Variants in CPNE4 observed in about 807,000 individuals in gnomAD.
CPNE4 encodes the protein copine 4.
A neutral mutation model predicts 67.9 loss-of-function variants in CPNE4; 25 were observed. The ratio of observed to expected loss-of-function variants is 0.37; its 90% CI spans 0.27 to 0.51. The LOEUF is 0.51. CPNE4 is among the 20% of genes least tolerant of loss of function. The pLI, the probability that CPNE4 is intolerant of heterozygous loss-of-function variation, is 0.93. For missense variants in CPNE4, 464 were observed against 690.8 expected (o/e 0.67, Z 3.68); for synonymous variants, 242 against 244.9 (o/e 0.99, Z 0.11).
chr3:131,807,695 T>C (rs1177626371), intron 2 of CPNE4, among the ~76,000 whole-genome samples: 1 of 152,174 alleles, frequency 6.6e-6, no homozygotes, highest in African/African-American at 2.4e-5. Context: ...GCCATTAATA[T>C]CTTAATCTGA....
Position 131,712,008 on chromosome 3 carries a change from A to G in CPNE4, c.360+11438T>C, listed in dbSNP as rs2081570274. 2.0e-5 allele frequency among the ~76,000 whole-genome samples: 3 copies of G among 152,204 alleles called. No individual in the cohort carries two copies. In the South Asian group the frequency reaches 6.2e-4, roughly 31 times the overall value. On this transcript the variant is annotated intron_variant, in intron 3 of 15. Transcript: ENST00000429747. ...CTAACATCTGCAAATTGATCTTTCA[A>G]AAACCTCACAGAAAGCACAGCTTCA... is the stretch of plus-strand genomic sequence containing the variant.
At chr3:131,846,600 G>A (rs750984778) in intron 2 of CPNE4, among the ~76,000 whole-genome samples, 17 of 152,150 alleles carry the variant, frequency 1.1e-4, no homozygotes, top group African/African-American at 2.9e-4. Context: ...GTGGATAAAG[G>A]TAATGAATCA....
intron 1 of CPNE4, among the ~76,000 whole-genome samples, chr3:132,029,414 C>T (rs2074190194): frequency 6.6e-6 from 1 of 152,144 alleles, no homozygotes; most frequent in African/African-American, 2.4e-5. Flanking sequence ...AACTCCATTC[C>T]TTATCCTAGA....
intron 1 of CPNE4, among the ~76,000 whole-genome samples, chr3:131,956,164 G>A (rs2071964187): frequency 6.6e-6 from 1 of 152,098 alleles, no homozygotes; most frequent in African/African-American, 2.4e-5. Flanking sequence ...AATAAGATCA[G>A]TCATTAGAAT....
At chr3:131,753,581 A>G (rs1392839371) in intron 2 of CPNE4, among the ~76,000 whole-genome samples, 1 of 152,204 alleles carries the variant, frequency 6.6e-6, no homozygotes, top group Non-Finnish European at 1.5e-5. Flanking sequence ...AATTGTTAAG[A>G]GAAAGATGAA....
chr3:131,978,607 A>T lies in CPNE4; in HGVS notation c.-2+55960T>A, dbSNP rs550882344. 3.5e-3 allele frequency among the ~76,000 whole-genome samples: 445 copies of T among 127,432 alleles called. 8 individuals carry two copies. The highest frequency in any genetic ancestry group is 0.013 in the African/African-American group (421 of 33,624). The allele number at this position is 127,432 out of a possible 152,430, so 83.6% of individuals were successfully genotyped here. A position where few individuals can be genotyped will look rare whatever the true frequency, so the allele number is the denominator to read the frequency against. Reference sequence around the variant, plus strand: ...TCCTCTTTTCTTGGTTAATCTTGCCAATGGTCTATCAATTTTATATCTCTT... The same window carrying T: ...TCCTCTTTTCTTGGTTAATCTTGCCTATGGTCTATCAATTTTATATCTCTT... On this transcript the variant is annotated intron_variant, in intron 1 of 15. Coordinates refer to ENST00000429747, the MANE Select transcript of CPNE4 (RefSeq NM_130808.3).
intron 2 of CPNE4, among the ~76,000 whole-genome samples, chr3:131,754,576 A>G (rs2082709353): frequency 6.6e-6 from 1 of 152,218 alleles, no homozygotes; most frequent in African/African-American, 2.4e-5. Context: ...GTGTTGGAAT[A>G]GATTCTGATT....
chr3:131,994,800 T>C (rs769181680), intron 1 of CPNE4, among the ~76,000 whole-genome samples: 1 of 152,226 alleles, frequency 6.6e-6, no homozygotes, highest in African/African-American at 2.4e-5. Context: ...ATAATGAGAC[T>C]GTCACTTGTA....
intron 2 of CPNE4, among the ~76,000 whole-genome samples, chr3:131,858,945 C>T (rs2086564852): frequency 6.6e-6 from 1 of 152,120 alleles, no homozygotes; most frequent in South Asian, 2.1e-4. Flanking sequence ...TGTCTGGACT[C>T]TGCTCACCAA....
chr3:132,027,777 T>C (rs1223208190), intron 1 of CPNE4, among the ~76,000 whole-genome samples: 1 of 152,208 alleles, frequency 6.6e-6, no homozygotes, highest in Non-Finnish European at 1.5e-5. Flanking sequence ...ACCTCAGTCA[T>C]CTTGCAATGC....
intron 2 of CPNE4, among the ~76,000 whole-genome samples, chr3:131,812,011 C>A (rs1365725429): frequency 6.6e-6 from 1 of 152,016 alleles, no homozygotes; most frequent in Non-Finnish European, 1.5e-5. Flanking sequence ...AGTGCGCCGT[C>A]CATGAAGGAG....
At chr3:131,572,700 G>GTGT (rs1484292776) in intron 10 of CPNE4, among the ~76,000 whole-genome samples, 1 of 152,134 alleles carries the variant, frequency 6.6e-6, no homozygotes, top group East Asian at 1.9e-4. Context: ...CAAAAAGTTT[G>GTGT]TGTTGGCTAA....
At chr3:131,815,163 G>A (rs914859601) in intron 2 of CPNE4, among the ~76,000 whole-genome samples, 6 of 152,154 alleles carry the variant, frequency 3.9e-5, no homozygotes, top group Non-Finnish European at 7.4e-5. Flanking sequence ...AGGATTAGAA[G>A]GAAGTATTAT....
chr3:131,969,966 A>C (rs1386691792), intron 1 of CPNE4, among the ~76,000 whole-genome samples: 1 of 152,190 alleles, frequency 6.6e-6, no homozygotes, highest in Non-Finnish European at 1.5e-5. Flanking sequence ...CATGCCTAGC[A>C]AAGTGTCTGC....
chr3:131,748,421 G>C (rs73220459), intron 2 of CPNE4, among the ~76,000 whole-genome samples: 14,534 of 151,360 alleles, frequency 0.096, 877 homozygotes, highest in Admixed American at 0.14. Flanking sequence ...TAATTTTTTT[G>C]TCTGGTTTTG....
At chr3:131,552,893 C>T (rs1362735153) in intron 12 of CPNE4, among the ~76,000 whole-genome samples, 1 of 152,016 alleles carries the variant, frequency 6.6e-6, no homozygotes. Context: ...ACTCAATAAC[C>T]CAAGCTGTCT....
intron 2 of CPNE4, among the ~76,000 whole-genome samples, chr3:131,784,590 G>C (rs970388733): frequency 2.6e-5 from 4 of 152,238 alleles, no homozygotes; most frequent in African/African-American, 9.6e-5. Context: ...GAGCATCTCT[G>C]CCTTGGGAGG....
At chr3:131,717,947 CTT>C (rs1560173888) in intron 3 of CPNE4, among the ~76,000 whole-genome samples, 1 of 133,738 alleles carries the variant, frequency 7.5e-6, no homozygotes, top group Non-Finnish European at 1.6e-5. Context: ...TCTTTCTTTT[CTT>C]TCTTTCTCTC....
chr3:131,590,053 T>C (rs528798362), intron 7 of CPNE4, among the ~76,000 whole-genome samples: 16 of 152,260 alleles, frequency 1.1e-4, no homozygotes, highest in African/African-American at 3.8e-4. Context: ...TTTTGGAAAC[T>C]ATGATGTCTA....
Sources: allele counts gnomAD v4.1 joint callset (sites outside exome capture counted in the v4.1 genomes callset), GRCh38; gene constraint gnomAD v4.1.1; transcripts MANE v1.5; gene names NCBI Gene and HGNC (gene_info 2026-07-23, HGNC 2026-07-21).